The following CHST15 variants were observed in gnomAD, a reference collection of about 807,000 sequenced individuals.
CHST15 encodes the protein carbohydrate sulfotransferase 15.
CHST15 carries 30 observed loss-of-function variants against 53.6 expected under a neutral mutation model. That is an observed-to-expected ratio of 0.56 (90% CI 0.42 to 0.76). The LOEUF is 0.76. CHST15 is among the 30% of genes least tolerant of loss of function. CHST15 has a pLI of 0.00. For missense variants in CHST15, 627 were observed against 740.5 expected, an observed-to-expected ratio of 0.85 and a Z score of 1.78; for synonymous variants, 296 against 289.8, an observed-to-expected ratio of 1.02 and a Z score of -0.22.
intron 1 of CHST15, among the ~76,000 whole-genome samples, chr10:124,083,275 A>G (rs1322656196): frequency 1.3e-5 from 2 of 152,148 alleles, no homozygotes; most frequent in South Asian, 2.1e-4. Context: ...TCACCCTTTC[A>G]TCAACCAAAA....
chr10:124,064,205 G>A (rs1036974897), intron 1 of CHST15, among the ~76,000 whole-genome samples: 4 of 152,050 alleles, frequency 2.6e-5, no homozygotes, highest in African/African-American at 4.8e-5. Context: ...ATAGACTTAC[G>A]AAAAGTCATT....
intron 1 of CHST15, among the ~76,000 whole-genome samples, chr10:124,057,970 C>A (rs932330549): frequency 8.7e-6 from 1 of 114,970 alleles, no homozygotes; most frequent in Non-Finnish European, 1.7e-5. Flanking sequence ...TGCTGCAGTT[C>A]TCCCCCCCAA....
intron 1 of CHST15, among the ~76,000 whole-genome samples, chr10:124,049,546 A>G (rs1432959523): frequency 6.6e-6 from 1 of 152,198 alleles, no homozygotes; most frequent in Non-Finnish European, 1.5e-5. Flanking sequence ...AGGCCTTTGT[A>G]ATGGAACCGC....
chr10:124,008,342 C>A lies in CHST15; in HGVS notation c.*1807G>T. ...GAAGACGCACTCACCCACACGTGCG[C>A]GTACACACACACACACGCGCGCACT... On this transcript the variant is annotated 3_prime_UTR_variant, in exon 8 of 8. Coordinates refer to ENST00000435907, the MANE Select transcript of CHST15 (RefSeq NM_001270764.2). 1 of 1,068,942 alleles carries A rather than the reference C, an allele frequency of 9.4e-7. No individual in the cohort carries two copies. The highest frequency in any genetic ancestry group is 1.1e-6 in the Non-Finnish European group (1 of 885,246). The allele number at this position is 1,068,942 out of a possible 1,614,324, so 66.2% of individuals were successfully genotyped here. A position where few individuals can be genotyped will look rare whatever the true frequency, so the allele number is the denominator to read the frequency against.
intron 7 of CHST15, chr10:124,011,947 G>A (rs1299847131): frequency 1.3e-6 from 1 of 771,688 alleles, no homozygotes; most frequent in African/African-American, 1.9e-5. Context: ...CTTCCATGAA[G>A]CCTTCCTCAT....
At chr10:124,038,348 C>T (rs563762658) in intron 5 of CHST15, among the ~76,000 whole-genome samples, 167 bp downstream of exon 5, 1 of 152,120 alleles carries the variant, frequency 6.6e-6, no homozygotes, top group Non-Finnish European at 1.5e-5. Flanking sequence ...TCAGGCGATC[C>T]ACCCACCCCG....
chr10:124,013,705 A>G (rs1946490652), intron 6 of CHST15, among the ~76,000 whole-genome samples: 1 of 151,836 alleles, frequency 6.6e-6, no homozygotes, highest in African/African-American at 2.4e-5. Context: ...TTCACCCTAA[A>G]CTCTTAGCAA....
intron 5 of CHST15, among the ~76,000 whole-genome samples, chr10:124,035,317 ACTAACAGGGACCCTGGCTCCACCC>A (rs1362147743): frequency 4.3e-3 from 132 of 30,418 alleles, no homozygotes; most frequent in African/African-American, 0.016. Context: ...GGCTCCACCC[ACTAACAGGGACCCTGGCTCCACCC>A]CTAACAGGGA....
chr10:124,020,231 C>T (rs1946725832), intron 6 of CHST15: 2 of 985,374 alleles, frequency 2.0e-6, no homozygotes, highest in African/African-American at 1.7e-5. Context: ...CATTGTATGA[C>T]AAAGCAACTG....
At chr10:124,086,046 C>G (rs1398962803) in intron 1 of CHST15, among the ~76,000 whole-genome samples, 1 of 152,140 alleles carries the variant, frequency 6.6e-6, no homozygotes, top group Non-Finnish European at 1.5e-5. Context: ...TTCTCCAGGC[C>G]CAGGCTAGGA....
In CHST15 at chr10:124,021,239, G is replaced by GGGGC. The variant is rs1554903165; in HGVS notation, c.1347+16_1347+17insGCCC. On this transcript the variant is annotated intron_variant, in intron 6 of 7. Coordinates refer to ENST00000435907, the MANE Select transcript of CHST15 (RefSeq NM_001270764.2). ...CCAGGGGCCAGCTCGGGGGGTACGG[G>GGGGC]GGGGGGGGGTACACACAGGCATGGC... The GGGGC allele has an allele frequency of 1.6e-5, 23 of 1,441,680 alleles. No homozygotes were observed. The highest frequency in any genetic ancestry group is 2.2e-5 in the Non-Finnish European group (23 of 1,064,194). 89.3% of individuals were successfully genotyped at this position (1,441,680 alleles called of 1,614,324 possible). A position where few individuals can be genotyped will look rare whatever the true frequency, so the allele number is the denominator to read the frequency against.
intron 1 of CHST15, among the ~76,000 whole-genome samples, chr10:124,062,114 T>C (rs1408283035): frequency 6.6e-6 from 1 of 151,544 alleles, no homozygotes; most frequent in Non-Finnish European, 1.5e-5. Flanking sequence ...GCCACTGCAA[T>C]GGAAAACCCC....
intron 5 of CHST15, among the ~76,000 whole-genome samples, chr10:124,027,921 A>G (rs1947074642): frequency 6.6e-6 from 1 of 152,196 alleles, no homozygotes; most frequent in African/African-American, 2.4e-5. Flanking sequence ...ACGGCTGACT[A>G]GAGTGGGTGC....
At chr10:124,033,940 C>T (rs1220260479) in intron 5 of CHST15, among the ~76,000 whole-genome samples, 2 of 152,198 alleles carry the variant, frequency 1.3e-5, no homozygotes, top group South Asian at 2.1e-4. Flanking sequence ...AAACTTTTTC[C>T]GCAGCAGTAC....
intron 3 of CHST15, among the ~76,000 whole-genome samples, chr10:124,043,388 A>G (rs1188338817): frequency 1.3e-5 from 2 of 152,244 alleles, no homozygotes; most frequent in Non-Finnish European, 2.9e-5. Context: ...CTGCTAAACC[A>G]CAAAAGAAAC....
rs1327742183 is a variant in CHST15 at position 124,042,302 on chromosome 10, GATA to G, written c.1029_1031del (p.Ile344del). ...GCCAGAGTGACACAGACGCCTTACC[GATA>G]ATGATTGTATTCATCTTGCTCTGCT... On this transcript the variant is annotated inframe_deletion and splice_region_variant, in exon 4 of 8. Coordinates refer to ENST00000435907, the MANE Select transcript of CHST15 (RefSeq NM_001270764.2). 2 of 1,608,902 alleles carry G rather than the reference GATA, an allele frequency of 1.2e-6. No individual in the cohort carries two copies. Among genetic ancestry groups the G allele is most frequent in the African/African-American group, 1.3e-5 (1 of 74,846 alleles).
At chr10:124,038,252 G>A (rs1171474244) in intron 5 of CHST15, among the ~76,000 whole-genome samples, 1 of 151,948 alleles carries the variant, frequency 6.6e-6, no homozygotes, top group Non-Finnish European at 1.5e-5. Context: ...GACTATAGGA[G>A]TGTGCCACCA....
intron 1 of CHST15, among the ~76,000 whole-genome samples, chr10:124,059,912 C>T (rs1003178015): frequency 5.3e-5 from 8 of 152,136 alleles, no homozygotes; most frequent in African/African-American, 1.7e-4. Flanking sequence ...AAATAAATGG[C>T]GAGGTCCTCT....
chr10:124,029,813 C>T (rs928123421), intron 5 of CHST15, among the ~76,000 whole-genome samples: 1 of 152,212 alleles, frequency 6.6e-6, no homozygotes, highest in Non-Finnish European at 1.5e-5. Context: ...CCTTCAACAG[C>T]GTCAACCTCA....
Sources: allele counts gnomAD v4.1 joint callset (sites outside exome capture counted in the v4.1 genomes callset), GRCh38; gene constraint gnomAD v4.1.1; transcripts MANE v1.5; gene names NCBI Gene and HGNC (gene_info 2026-07-23, HGNC 2026-07-21).